ATXN10: variants seen among roughly 807,000 people sequenced by gnomAD.
The protein encoded by ATXN10 is ataxin-10.
ATXN10 carries 28 observed loss-of-function variants against 52.9 expected under a neutral mutation model. The ratio of observed to expected loss-of-function variants is 0.53; its 90% CI spans 0.39 to 0.73. ATXN10 has a LOEUF of 0.73. Ranked by LOEUF, ATXN10 falls within the 30% of genes least tolerant of loss-of-function variation. ATXN10 has a pLI of 0.00. For synonymous variants in ATXN10, 226 were observed against 221.5 expected (o/e 1.02, Z -0.18); for missense variants, 565 against 577.0 (o/e 0.98, Z 0.21).
intron 5 of ATXN10, among the ~76,000 whole-genome samples, chr22:45,714,516 G>A (rs1241980001): frequency 1.3e-5 from 2 of 151,860 alleles, no homozygotes; most frequent in South Asian, 2.1e-4. Flanking sequence ...GAGAAGCTGG[G>A]ATCGCAGGTG....
chr22:45,810,691 C>T (rs1473075403), intron 10 of ATXN10, among the ~76,000 whole-genome samples: 2 of 152,310 alleles, frequency 1.3e-5, no homozygotes, highest in African/African-American at 4.8e-5. Flanking sequence ...TTCTTGAACT[C>T]CATTGCATGG....
In ATXN10 at chr22:45,681,260, C is replaced by G. The variant is rs1480645910; in HGVS notation, c.117-8452C>G. 6.6e-6 allele frequency among the ~76,000 whole-genome samples: 1 copy of G among 152,098 alleles called. No individual in the cohort carries two copies. The highest frequency in any genetic ancestry group is 6.5e-5 in the Admixed American group (1 of 15,270). On this transcript the variant is annotated intron_variant, in intron 1 of 11. Transcript: ENST00000252934. The surrounding 1 kb of genome is among the most constrained non-coding windows in gnomAD (Gnocchi z 4.2). ...CTCGAATTTCTTTGACTTTCTCTCC[C>G]TTAGTGAGCTTGACCTCCATCCCAT...
At chr22:45,831,858 A>C (rs1394522084) in intron 10 of ATXN10, among the ~76,000 whole-genome samples, 2 of 152,174 alleles carry the variant, frequency 1.3e-5, no homozygotes, top group African/African-American at 4.8e-5. Flanking sequence ...GGTGGCCTTT[A>C]AGCCCACCCA....
intron 10 of ATXN10, among the ~76,000 whole-genome samples, chr22:45,829,150 A>G (rs142263631): frequency 6.6e-6 from 1 of 152,306 alleles, no homozygotes; most frequent in African/African-American, 2.4e-5. Context: ...GATGCAGAAA[A>G]AGCATTTGAC....
rs140429608 is a variant in ATXN10, at chr22:45,789,655, C to T, written c.1174-17304C>T. 3.2e-3 allele frequency among the ~76,000 whole-genome samples: 489 copies of T among 152,320 alleles called. 2 individuals carry two copies. The highest frequency in any genetic ancestry group is 6.8e-3 in the Middle Eastern group (2 of 294). On this transcript the variant is annotated intron_variant, in intron 9 of 11. Transcript: ENST00000252934. The surrounding 1 kb of genome is among the most constrained non-coding windows in gnomAD (Gnocchi z 4.0). ...GAAGAAGAGAGGGAGAGCCTTCTAACCCATCCAGCCCCTTTGTGGTGGTGG... is the reference window on the plus strand; with the variant it reads ...GAAGAAGAGAGGGAGAGCCTTCTAATCCATCCAGCCCCTTTGTGGTGGTGG...
In ATXN10 at chr22:45,763,759, T is replaced by C. The variant is rs1926481862; in HGVS notation, c.1173+23221T>C. On this transcript the variant is annotated intron_variant, in intron 9 of 11. Transcript: ENST00000252934. This position sits in a 1 kb window ranked among gnomAD's most constrained non-coding sequence, Gnocchi z 6.9. ...GCTCTTCGCAACCCTAGAATGTAAGTACAAGGAGGATAGGCAGGGACCATT... is the reference window on the plus strand; with the variant it reads ...GCTCTTCGCAACCCTAGAATGTAAGCACAAGGAGGATAGGCAGGGACCATT... 6.6e-6 allele frequency among the ~76,000 whole-genome samples: 1 copy of C among 152,232 alleles called. No individual in the cohort carries two copies. Among genetic ancestry groups the C allele is most frequent in the South Asian group, 2.1e-4 (1 of 4,832 alleles).
chr22:45,771,669 G>A (rs139095275), intron 9 of ATXN10, among the ~76,000 whole-genome samples: 5 of 152,044 alleles, frequency 3.3e-5, no homozygotes, highest in Admixed American at 1.3e-4. Context: ...CACCCACCTC[G>A]AGCTCCCAAA....
At chr22:45,809,973 A>T (rs976590513) in intron 10 of ATXN10, among the ~76,000 whole-genome samples, 1 of 152,066 alleles carries the variant, frequency 6.6e-6, no homozygotes, top group Non-Finnish European at 1.5e-5. Flanking sequence ...TTGCACGTGT[A>T]TCTTGTTTTA....
intron 5 of ATXN10, among the ~76,000 whole-genome samples, chr22:45,703,678 G>T (rs1270850375): frequency 6.6e-6 from 1 of 152,156 alleles, no homozygotes; most frequent in Non-Finnish European, 1.5e-5. Flanking sequence ...AGCCAAAGGG[G>T]CCAGCTCCTC....
intron 9 of ATXN10, among the ~76,000 whole-genome samples, chr22:45,761,254 G>T (rs899419793): frequency 6.6e-6 from 1 of 152,062 alleles, no homozygotes; most frequent in African/African-American, 2.4e-5. Flanking sequence ...CCAAGTAGCT[G>T]GGACTTTAAT....
rs1016562910 is a variant in ATXN10, at chr22:45,816,516, G to A, written c.1237+9494G>A. On this transcript the variant is annotated intron_variant, in intron 10 of 11. Coordinates refer to ENST00000252934, the MANE Select transcript of ATXN10 (RefSeq NM_013236.4). This position sits in a 1 kb window ranked among gnomAD's most constrained non-coding sequence, Gnocchi z 5.8. ...GCCTCTCCCTGAACATGACACACCA[G>A]AATACCCAGATATGTAACCTTTCCC... Among the ~76,000 whole-genome samples the A allele has an allele frequency of 2.1e-4, 32 of 152,266 alleles. No homozygotes were observed. The highest frequency in any genetic ancestry group is 7.5e-4 in the African/African-American group (31 of 41,558).
chr22:45,733,146 C>CA lies in ATXN10; in HGVS notation c.894+3562dup, dbSNP rs1925152935. On this transcript the variant is annotated intron_variant, in intron 7 of 11. Transcript: ENST00000252934. The surrounding 1 kb of genome is among the most constrained non-coding windows in gnomAD (Gnocchi z 4.4). The stretch of plus-strand genomic sequence containing the variant: ...AAGCCTTGCCTTTTCTCTGAAAGCT[C>CA]AAAAAACATTCCTTTTAGCTTTGTA... Among the ~76,000 whole-genome samples, 1 of 152,062 alleles carries CA rather than the reference C, an allele frequency of 6.6e-6. No homozygotes were observed. The highest frequency in any genetic ancestry group is 1.5e-5 in the Non-Finnish European group (1 of 68,000).
chr22:45,717,791 A>T (rs1396469818), intron 5 of ATXN10, among the ~76,000 whole-genome samples: 2 of 152,202 alleles, frequency 1.3e-5, no homozygotes, highest in Non-Finnish European at 2.9e-5. Context: ...TTTTCCTCAG[A>T]TGCCCTCTGG....
chr22:45,782,729 G>C (rs77165674), intron 9 of ATXN10, among the ~76,000 whole-genome samples: 2 of 152,152 alleles, frequency 1.3e-5, no homozygotes, highest in Non-Finnish European at 2.9e-5. Flanking sequence ...AGCGATACAC[G>C]TAAGATTTGT....
chr22:45,800,592 G>T (rs1927899367), intron 9 of ATXN10, among the ~76,000 whole-genome samples: 2 of 152,144 alleles, frequency 1.3e-5, no homozygotes, highest in Admixed American at 6.6e-5. Context: ...TCATTCGTAG[G>T]TATCCACCCA....
At chr22:45,691,486 C>G (rs1482469653) in intron 2 of ATXN10, among the ~76,000 whole-genome samples, 4 of 152,244 alleles carry the variant, frequency 2.6e-5, no homozygotes, top group Non-Finnish European at 5.9e-5. Flanking sequence ...AATAACTTGT[C>G]TGAGAGTCAC....
chr22:45,704,761 T>C (rs1428280613), intron 5 of ATXN10, among the ~76,000 whole-genome samples: 1 of 152,144 alleles, frequency 6.6e-6, no homozygotes, highest in Non-Finnish European at 1.5e-5. Flanking sequence ...TGGGTTGCCT[T>C]TTCTTTCTTT....
At chr22:45,693,454 G>C (rs1923464912) in intron 3 of ATXN10, among the ~76,000 whole-genome samples, 1 of 152,144 alleles carries the variant, frequency 6.6e-6, no homozygotes. Context: ...GGTGCCTCTT[G>C]CTTTGTTCTC....
chr22:45,740,960 A>G (rs748957929), intron 9 of ATXN10, among the ~76,000 whole-genome samples: 6 of 152,124 alleles, frequency 3.9e-5, no homozygotes, highest in Non-Finnish European at 8.8e-5. Context: ...GGAATATAAT[A>G]TTTAAGTATG....
Sources: gnomAD v4.1 joint callset for allele counts (sites outside exome capture counted in the v4.1 genomes callset) on GRCh38, gnomAD v4.1.1 for gene constraint, Gnocchi (gnomAD v3.1) non-coding constraint, MANE v1.5 for transcripts, NCBI Gene and HGNC (gene_info 2026-07-23, HGNC 2026-07-21) for gene names.